NR3C1: variants seen among roughly 807,000 people sequenced by gnomAD.
NR3C1 encodes glucocorticoid receptor.
NR3C1 carries 14 observed loss-of-function variants against 74.0 expected under a neutral mutation model. That is an observed-to-expected ratio of 0.19 (90% CI 0.12 to 0.30). The LOEUF (loss-of-function observed/expected upper bound fraction) is 0.30. Among genes scored for constraint, NR3C1 ranks in the 10% least tolerant of loss-of-function variants. NR3C1 has a pLI of 1.00. For missense variants in NR3C1, 695 were observed against 909.8 expected, an observed-to-expected ratio of 0.76 and a Z score of 3.04; for synonymous variants, 308 against 332.5, an observed-to-expected ratio of 0.93 and a Z score of 0.80.
intron 2 of NR3C1, among the ~76,000 whole-genome samples, chr5:143,370,932 A>T (rs1834128804): frequency 2.6e-5 from 4 of 152,236 alleles, no homozygotes; most frequent in Admixed American, 2.6e-4. Context: ...AATTTAGCAT[A>T]AAGTTGTTAA....
At chr5:143,299,001 T>A (rs1348485191) in intron 5 of NR3C1, among the ~76,000 whole-genome samples, 189 bp from the exon 6 acceptor site, 1 of 141,096 alleles carries the variant, frequency 7.1e-6, no homozygotes, top group Non-Finnish European at 1.5e-5. Context: ...ACAAACCCTC[T>A]TGTGTTTTTT....
chr5:143,406,549 C>G (rs1359166236), upstream of NR3C1, among the ~76,000 whole-genome samples: 3 of 152,086 alleles, frequency 2.0e-5, no homozygotes, highest in African/African-American at 7.2e-5. Flanking sequence ...ATAAGTTAAC[C>G]CCTCTTTTTC....
intron 2 of NR3C1, among the ~76,000 whole-genome samples, chr5:143,355,516 G>GA (rs1387879652): frequency 1.3e-5 from 2 of 151,538 alleles, no homozygotes. Flanking sequence ...TCTAATGGGG[G>GA]AAAAACTCCA....
At position 143,279,528 on chromosome 5, in the gene NR3C1, C is replaced by T. The variant is rs987650154; in HGVS notation, c.*2361G>A. On this transcript the variant is annotated 3_prime_UTR_variant, in exon 9 of 9. Transcript: ENST00000394464. ...CAAAAATTTATCCAGCCGGGTTACA[C>T]ACCATCTTAAAATATTACATTCCCT... The T allele has an allele frequency of 8.2e-6, 8 of 977,640 alleles. No individual in the cohort carries two copies. The African/African-American group carries it at 1.4e-4, about 17-fold the overall frequency. 60.6% of individuals were successfully genotyped at this position (977,640 alleles called of 1,614,324 possible).
Position 143,279,098 on chromosome 5 carries a change from TG to T in NR3C1, c.*2790del. ...CAAACTTCAACAGTTTGGGTTGGGA[TG>T]GCCAGATAACACATACATAGGAAAT... On this transcript the variant is annotated 3_prime_UTR_variant, in exon 9 of 9. Coordinates refer to ENST00000394464, the MANE Select transcript of NR3C1 (RefSeq NM_000176.3). The T allele has an allele frequency of 2.3e-6, 1 of 437,554 alleles. No homozygotes were observed. The highest frequency in any genetic ancestry group is 4.0e-6 in the Non-Finnish European group (1 of 249,832). 27.1% of individuals were successfully genotyped at this position (437,554 alleles called of 1,614,324 possible). A position where few individuals can be genotyped will look rare whatever the true frequency, so the allele number is the denominator to read the frequency against.
chr5:143,427,639 T>C (rs1421447020), intron 1 of NR3C1, among the ~76,000 whole-genome samples: 1 of 152,200 alleles, frequency 6.6e-6, no homozygotes, highest in Non-Finnish European at 1.5e-5. Context: ...TCAGGCCCCA[T>C]TAACCTGATA....
In NR3C1 at chr5:143,284,156, T is replaced by C. The variant is rs543391892; in HGVS notation, c.2024-1431A>G. ...GTGCATTGGCATGATCTCAGCTCACTGCCACTTCCGCCTCCCAGGTTCAAG... is the reference window on the plus strand; with the variant it reads ...GTGCATTGGCATGATCTCAGCTCACCGCCACTTCCGCCTCCCAGGTTCAAG... On this transcript the variant is annotated intron_variant, in intron 7 of 8. Transcript: ENST00000394464. 3.3e-5 allele frequency among the ~76,000 whole-genome samples: 5 copies of C among 152,216 alleles called. No homozygotes were observed. In the East Asian group the frequency reaches 9.7e-4, roughly 29 times the overall value.
chr5:143,425,333 A>C (rs1751473066), intron 1 of NR3C1, among the ~76,000 whole-genome samples: 1 of 152,204 alleles, frequency 6.6e-6, no homozygotes, highest in East Asian at 1.9e-4. Context: ...TACCAAAAGC[A>C]CAAGAAAAAA....
At chr5:143,378,460 T>C (rs528209896) in intron 2 of NR3C1, among the ~76,000 whole-genome samples, 3 of 152,282 alleles carry the variant, frequency 2.0e-5, no homozygotes, top group Non-Finnish European at 2.9e-5. Flanking sequence ...GAAGCTTACA[T>C]GAAAGGTAGC....
At chr5:143,365,014 T>C (rs965507425) in intron 2 of NR3C1, among the ~76,000 whole-genome samples, 1 of 151,968 alleles carries the variant, frequency 6.6e-6, no homozygotes, top group Non-Finnish European at 1.5e-5. Context: ...ACCTAGGCTG[T>C]TAAAATGACA....
upstream of NR3C1, among the ~76,000 whole-genome samples, chr5:143,407,854 A>G (rs1841166076): frequency 6.6e-6 from 1 of 152,184 alleles, no homozygotes; most frequent in African/African-American, 2.4e-5. Flanking sequence ...TCAAGTATAT[A>G]CAATAACTCT....
At chr5:143,365,843 A>C (rs1291920171) in intron 2 of NR3C1, among the ~76,000 whole-genome samples, 1 of 152,250 alleles carries the variant, frequency 6.6e-6, no homozygotes, top group Non-Finnish European at 1.5e-5. Flanking sequence ...GAATTAACAA[A>C]GAAGGAAATC....
At chr5:143,406,331 A>AT (rs201189444), upstream of NR3C1, among the ~76,000 whole-genome samples, 7 of 141,736 alleles carry the variant, frequency 4.9e-5, no homozygotes, top group East Asian at 2.0e-4. Flanking sequence ...TTCTCCCTTC[A>AT]TTTTTTTTTC....
chr5:143,309,404 G>A (rs148456526), intron 4 of NR3C1, among the ~76,000 whole-genome samples: 10 of 152,216 alleles, frequency 6.6e-5, no homozygotes, highest in Admixed American at 1.3e-4. Flanking sequence ...GGAGTTGAAC[G>A]TTTCTTTTGA....
Position 143,399,793 on chromosome 5 carries a change from A to G in NR3C1, c.1047T>C (p.Pro349=). 6.2e-7 allele frequency: 1 copy of G among 1,614,196 alleles called. No homozygotes were observed. The stretch of plus-strand genomic sequence containing the variant: ...GAATTGGTGGAATGACATTAAAAAT[A>G]GGCTTCTGATCCTGCTGTTGAGAAA... The part of the protein sequence containing the change: ...ASLSQQQDQK[P]IFNVIPPIPV... Residue 349 remains proline (P), a synonymous_variant, in exon 2 of 9, where the codon CCT becomes CCC. Coordinates refer to ENST00000394464, the MANE Select transcript of NR3C1 (RefSeq NM_000176.3).
Position 143,435,466 on chromosome 5 carries a change from G to A in NR3C1, c.-948C>T, listed in dbSNP as rs1334760605. ...AGGGCGAGAGGGAGCAAGAGAAGAG[G>A]AAGAGGTACCTTTTGAATGGGGTGA... On this transcript the variant is annotated 5_prime_UTR_variant, in exon 1 of 9. Transcript: ENST00000343796. 3.0e-6 allele frequency: 3 copies of A among 985,380 alleles called. 1 individual carries two copies. The highest frequency in any genetic ancestry group is 1.0e-3 in the Middle Eastern group (2 of 1,936). 61.0% of individuals were successfully genotyped at this position (985,380 alleles called of 1,614,324 possible). A position where few individuals can be genotyped will look rare whatever the true frequency, so the allele number is the denominator to read the frequency against.
Position 143,422,150 on chromosome 5 carries a change from T to C in NR3C1, c.-14+12382A>G, listed in dbSNP as rs537204633. On this transcript the variant is annotated intron_variant, in intron 1 of 8. Coordinates refer to the NR3C1 transcript ENST00000343796. ...GACATCTCACCAAGCTCTCCCCATC[T>C]TTACCTTCCATAGAGTTTTATTTGG... Among the ~76,000 whole-genome samples, 395 of 152,314 alleles carry C rather than the reference T, an allele frequency of 2.6e-3. 1 individual carries two copies. Among genetic ancestry groups the C allele is most frequent in the African/African-American group, 9.0e-3 (373 of 41,566 alleles).
intron 2 of NR3C1, among the ~76,000 whole-genome samples, chr5:143,348,388 G>C (rs1052723760): frequency 2.0e-5 from 3 of 152,076 alleles, no homozygotes; most frequent in Non-Finnish European, 4.4e-5. Context: ...TTACACATTT[G>C]CTACATTTTA....
At chr5:143,364,693 C>T (rs909164905) in intron 2 of NR3C1, among the ~76,000 whole-genome samples, 3 of 152,002 alleles carry the variant, frequency 2.0e-5, no homozygotes, top group Non-Finnish European at 2.9e-5. Flanking sequence ...TGATATTAAT[C>T]TAAATTAGAT....
Sources: allele counts gnomAD v4.1 joint callset (sites outside exome capture counted in the v4.1 genomes callset), GRCh38; gene constraint gnomAD v4.1.1; transcripts MANE v1.5; gene names NCBI Gene and HGNC (gene_info 2026-07-23, HGNC 2026-07-21).